Variants in HERC3 observed in about 807,000 individuals in gnomAD.
HERC3 encodes HECT and RLD domain containing E3 ubiquitin protein ligase 3, also known as probable E3 ubiquitin-protein ligase HERC3.
A neutral mutation model predicts 129.9 loss-of-function variants in HERC3; 58 were observed. The ratio of observed to expected loss-of-function variants is 0.45; its 90% CI spans 0.36 to 0.56. HERC3 has a LOEUF of 0.56. HERC3 is among the 20% of genes least tolerant of loss of function. The pLI is 0.00. For synonymous variants in HERC3, 430 were observed against 451.0 expected, an observed-to-expected ratio of 0.95 and a Z score of 0.59; for missense variants, 835 against 1,244.2, an observed-to-expected ratio of 0.67 and a Z score of 4.95.
intron 3 of HERC3, among the ~76,000 whole-genome samples, chr4:88,606,602 C>T (rs905628954): frequency 1.3e-5 from 2 of 152,118 alleles, no homozygotes; most frequent in African/African-American, 2.4e-5. Context: ...GTTTACAGTT[C>T]CACGTGGCTG....
At chr4:88,632,909 T>G (rs1476604583) in intron 3 of HERC3, among the ~76,000 whole-genome samples, 1 of 152,070 alleles carries the variant, frequency 6.6e-6, no homozygotes, top group Admixed American at 6.6e-5. Flanking sequence ...CCAAGCAAGA[T>G]AAACCCAAAG....
At chr4:88,706,721 A>G (rs1448549611) in intron 25 of HERC3, 31 bp from the exon 26 acceptor site, 17 of 1,590,534 alleles carry the variant, frequency 1.1e-5, no homozygotes, top group Non-Finnish European at 1.5e-5. Flanking sequence ...CCGTTTGCTT[A>G]GCTGCTAATG....
intron 3 of HERC3, among the ~76,000 whole-genome samples, chr4:88,627,904 CAAAAA>C (rs60358778): frequency 2.5e-5 from 2 of 80,936 alleles, no homozygotes. Context: ...AACTCCGTCT[CAAAAA>C]AAAAAAAAAA....
chr4:88,663,717 A>G (rs1730748651), intron 11 of HERC3, among the ~76,000 whole-genome samples: 1 of 152,214 alleles, frequency 6.6e-6, no homozygotes, highest in African/African-American at 2.4e-5. Flanking sequence ...TTTTTAATTT[A>G]TGTCTCAGAT....
chr4:88,662,372 A>G (rs1053867141), intron 10 of HERC3, 59 bp from the exon 11 acceptor site: 2 of 1,491,238 alleles, frequency 1.3e-6, no homozygotes, highest in Admixed American at 2.0e-5. Context: ...GAGAAAGGAG[A>G]GGAGACAAGA....
chr4:88,667,872 T>G lies in HERC3; in HGVS notation c.1444-20T>G. ...TCTCAAGTATGTTTGAATTTCTCATTACTCTTTTCCCTCATACAGATTTTG... is the reference window on the plus strand; with the variant it reads ...TCTCAAGTATGTTTGAATTTCTCATGACTCTTTTCCCTCATACAGATTTTG... On this transcript the variant is annotated intron_variant, in intron 13 of 25. Coordinates refer to ENST00000402738, the MANE Select transcript of HERC3 (RefSeq NM_014606.3). 2 of 1,570,118 alleles carry G rather than the reference T, an allele frequency of 1.3e-6. No homozygotes were observed. The highest frequency in any genetic ancestry group is 1.7e-6 in the Non-Finnish European group (2 of 1,146,258).
intron 6 of HERC3, among the ~76,000 whole-genome samples, chr4:88,653,349 ATGTT>A (rs1409225733): frequency 1.3e-5 from 2 of 152,198 alleles, no homozygotes; most frequent in Admixed American, 6.5e-5. Context: ...TGATAAGAAA[ATGTT>A]TGAGCAGAAC....
At chr4:88,679,615 A>G (rs1732545922) in intron 19 of HERC3, among the ~76,000 whole-genome samples, 1 of 149,584 alleles carries the variant, frequency 6.7e-6, no homozygotes, top group South Asian at 2.1e-4. Flanking sequence ...TGCCTCCCAC[A>G]TTCAAGCGAC....
chr4:88,656,192 G>A, intron 9 of HERC3, 157 bp downstream of exon 9: 1 of 681,530 alleles, frequency 1.5e-6, no homozygotes, highest in Admixed American at 2.9e-5. Context: ...TACTATGCAT[G>A]AAGCTGTAGA....
At chr4:88,697,671 C>G in intron 23 of HERC3, 2 of 1,613,160 alleles carry the variant, frequency 1.2e-6, no homozygotes, top group Non-Finnish European at 1.7e-6. Context: ...CACCGCCTTC[C>G]GCCATTACCT....
intron 3 of HERC3, among the ~76,000 whole-genome samples, chr4:88,634,063 G>A (rs753479847): frequency 5.9e-5 from 9 of 152,158 alleles, no homozygotes; most frequent in African/African-American, 9.7e-5. Context: ...CTAGGCAGCC[G>A]GCATGACCCA....
the HERC3 span, among the ~76,000 whole-genome samples, chr4:88,546,343 G>T: frequency 6.6e-6 from 1 of 152,288 alleles, no homozygotes; most frequent in East Asian, 1.9e-4. Flanking sequence ...GTCAAAAAAT[G>T]TTATAAGGCT....
At chr4:88,643,856 C>T (rs1008932607) in intron 3 of HERC3, among the ~76,000 whole-genome samples, 2 of 151,954 alleles carry the variant, frequency 1.3e-5, no homozygotes, top group African/African-American at 4.8e-5. Context: ...GACATGACAC[C>T]AAAAACATAA....
At chr4:88,662,972 G>C (rs1730649508) in intron 11 of HERC3, among the ~76,000 whole-genome samples, 2 of 147,594 alleles carry the variant, frequency 1.4e-5, no homozygotes, top group African/African-American at 5.0e-5. Context: ...TATTCATAAT[G>C]ATTGAGATGG....
chr4:88,697,911 A>G, intron 23 of HERC3: 1 of 971,814 alleles, frequency 1.0e-6, no homozygotes. Flanking sequence ...GCGGCACTTG[A>G]CTGGCTTCCC....
intron 23 of HERC3, chr4:88,697,889 C>T: frequency 8.0e-7 from 1 of 1,252,198 alleles, no homozygotes; most frequent in Non-Finnish European, 1.1e-6. Context: ...CGCGGCCCCG[C>T]CTCCTGCTTT....
the HERC3 span, among the ~76,000 whole-genome samples, chr4:88,526,133 A>G: frequency 2.0e-5 from 3 of 152,276 alleles, no homozygotes; most frequent in Admixed American, 1.3e-4. Flanking sequence ...GTTTAGCAAT[A>G]AAATTATTTA....
At chr4:88,544,682 A>G in the HERC3 span, among the ~76,000 whole-genome samples, 4 of 152,350 alleles carry the variant, frequency 2.6e-5, no homozygotes, top group Admixed American at 2.0e-4. Context: ...TTGTCCATCA[A>G]TGATAGACTG....
At chr4:88,687,932 A>C (rs1314388415) in intron 23 of HERC3, among the ~76,000 whole-genome samples, 4 of 152,222 alleles carry the variant, frequency 2.6e-5, no homozygotes, top group Admixed American at 1.3e-4. Flanking sequence ...ATATTAAATT[A>C]TGCTAATCTG....
Sources: allele counts gnomAD v4.1 joint callset (sites outside exome capture counted in the v4.1 genomes callset), GRCh38; gene constraint gnomAD v4.1.1; transcripts MANE v1.5; gene names NCBI Gene and HGNC (gene_info 2026-07-23, HGNC 2026-07-21).